CLTC: variants seen among roughly 807,000 people sequenced by gnomAD.
The protein encoded by CLTC is clathrin heavy chain, also known as clathrin heavy chain 1.
Under a neutral mutation model 195.8 loss-of-function variants are expected in CLTC, and 16 were observed. The observed-to-expected ratio is 0.08, with a 90% CI of 0.06 to 0.12. CLTC has a LOEUF of 0.12. Ranked by LOEUF, CLTC falls within the 10% of genes least tolerant of loss-of-function variation. CLTC has a pLI of 1.00. For synonymous variants in CLTC, 667 were observed against 689.4 expected (o/e 0.97, Z 0.51); for missense variants, 796 against 2,027.0 (o/e 0.39, Z 11.66).
Position 59,682,220 on chromosome 17 carries a change from A to G in CLTC, c.3443-51A>G, listed in dbSNP as rs370602724. On this transcript the variant is annotated intron_variant, in intron 21 of 31. Coordinates refer to ENST00000269122, the MANE Select transcript of CLTC (RefSeq NM_004859.4). This position sits in a 1 kb window ranked among gnomAD's most constrained non-coding sequence, Gnocchi z 6.8. ...CAATTTTCATTTACTTGGGTGAAAG[A>G]TAAACTAGGATGTTAGTGTTTGGAT... 1.5e-4 allele frequency: 228 copies of G among 1,526,734 alleles called. No individual in the cohort carries two copies. The highest frequency in any genetic ancestry group is 1.2e-4 in the Admixed American group (6 of 50,958). The allele number at this position is 1,526,734 out of a possible 1,614,324, so 94.6% of individuals were successfully genotyped here.
Position 59,695,742 on chromosome 17 carries a change from A to T in CLTC, c.*1890A>T, listed in dbSNP as rs2033405325. 5.2e-6 allele frequency: 1 copy of T among 193,566 alleles called. No individual in the cohort carries two copies. Among genetic ancestry groups the T allele is most frequent in the East Asian group, 8.1e-5 (1 of 12,278 alleles). The allele number at this position is 193,566 out of a possible 1,614,324, so 12.0% of individuals were successfully genotyped here. ...TTAATGTGAGTGCAGGTCAGTGAAG[A>T]ATACAATGGTGCCCCTGCTTTGATT... is the stretch of plus-strand genomic sequence containing the variant. On this transcript the variant is annotated 3_prime_UTR_variant, in exon 32 of 32. Transcript: ENST00000269122.
chr17:59,685,455 AT>A lies in CLTC; in HGVS notation c.4606-131del. ...CTCTTCTTTGAAAATTTTAATTTAA[AT>A]GATACAACTAGGAGGCTTTTTTCCC... On this transcript the variant is annotated intron_variant, in intron 29 of 31. Transcript: ENST00000269122. This position sits in a 1 kb window ranked among gnomAD's most constrained non-coding sequence, Gnocchi z 5.0. The A allele has an allele frequency of 1.1e-6, 1 of 894,464 alleles. No homozygotes were observed. Among genetic ancestry groups the A allele is most frequent in the Non-Finnish European group, 1.7e-6 (1 of 605,196 alleles). The allele number at this position is 894,464 out of a possible 1,614,324, so 55.4% of individuals were successfully genotyped here.
chr17:59,641,376 G>T (rs1295913666), intron 1 of CLTC, among the ~76,000 whole-genome samples: 1 of 151,550 alleles, frequency 6.6e-6, no homozygotes, highest in Non-Finnish European at 1.5e-5. Context: ...GCTGAGGCAG[G>T]TGGACCATGA....
intron 1 of CLTC, among the ~76,000 whole-genome samples, chr17:59,621,668 T>C (rs1332598869): frequency 6.6e-6 from 1 of 152,256 alleles, no homozygotes; most frequent in African/African-American, 2.4e-5. Flanking sequence ...TCTATAATTT[T>C]CAAATAACTC....
At chr17:59,637,748 C>T (rs1402407297) in intron 1 of CLTC, among the ~76,000 whole-genome samples, 1 of 149,266 alleles carries the variant, frequency 6.7e-6, no homozygotes, top group African/African-American at 2.5e-5. Flanking sequence ...TGGGTGGTAC[C>T]ATCTATTTGG....
chr17:59,644,327 A>G lies in CLTC; in HGVS notation c.94A>G (p.Met32Val), dbSNP rs745640220. 1 of 1,614,114 alleles carries G rather than the reference A, an allele frequency of 6.2e-7. No individual in the cohort carries two copies. Among genetic ancestry groups the G allele is most frequent in the Non-Finnish European group, 8.5e-7 (1 of 1,180,016 alleles). The change falls in exon 2 of 32, where the codon ATG becomes GTG. Residue 32 changes from methionine (M) to valine (V), a missense_variant. By Grantham distance (21) the Met-to-Val change is conservative. Around this residue, in one of 9 missense-constraint regions of CLTC, gnomAD observed 293 missense variants for 795.6 expected, o/e 0.37. Coordinates refer to ENST00000269122, the MANE Select transcript of CLTC (RefSeq NM_004859.4). The stretch of plus-strand genomic sequence containing the variant: ...AAACATTGGCTTCAGTACCCTGACT[A>G]TGGAGTCTGACAAATTCATCTGCAT... Reference protein sequence around the residue: ...PANIGFSTLTMESDKFICIRE... With the variant: ...PANIGFSTLTVESDKFICIRE...
intron 1 of CLTC, among the ~76,000 whole-genome samples, chr17:59,641,381 CCATGA>C (rs745702749): frequency 2.0e-5 from 3 of 150,628 alleles, no homozygotes; most frequent in Non-Finnish European, 3.0e-5. Flanking sequence ...GGCAGGTGGA[CCATGA>C]GGTCAGGAGA....
intron 1 of CLTC, among the ~76,000 whole-genome samples, chr17:59,626,394 A>T (rs752653981): frequency 6.6e-6 from 1 of 152,182 alleles, no homozygotes; most frequent in Non-Finnish European, 1.5e-5. Flanking sequence ...CACGAGTCTC[A>T]TTGTGTGCCA....
intron 5 of CLTC, 89 bp downstream of exon 5, chr17:59,651,405 G>A (rs986077503): frequency 1.1e-6 from 1 of 872,436 alleles, no homozygotes; most frequent in African/African-American, 1.7e-5. Flanking sequence ...TATAATTTAA[G>A]TGATGCTTAA....
Position 59,674,680 on chromosome 17 carries a change from TCTA to T in CLTC, c.2419-18_2419-16del, listed in dbSNP as rs1469557779. 6.3e-7 allele frequency: 1 copy of T among 1,597,618 alleles called. No homozygotes were observed. The highest frequency in any genetic ancestry group is 8.5e-7 in the Non-Finnish European group (1 of 1,171,474). ...GCTTTTAATAACATAATAACATTCT[TCTA>T]CTTCTTTTTAACCACAGGTGAATCC... On this transcript the variant is annotated intron_variant, in intron 15 of 31. Transcript: ENST00000269122.
chr17:59,682,462 T>C lies in CLTC; in HGVS notation c.3600+34T>C, dbSNP rs775290595. 7.4e-6 allele frequency: 12 copies of C among 1,612,064 alleles called. No individual in the cohort carries two copies. Among genetic ancestry groups the C allele is most frequent in the East Asian group, 2.2e-5 (1 of 44,834 alleles). On this transcript the variant is annotated intron_variant, in intron 22 of 31. Coordinates refer to ENST00000269122, the MANE Select transcript of CLTC (RefSeq NM_004859.4). The surrounding 1 kb of genome is among the most constrained non-coding windows in gnomAD (Gnocchi z 6.8). ...CCTTTTCAGATTTAAGAAAAACTAGTTGGGCTACTTGATTAGCTTGGTAGG... is the reference window on the plus strand; with the variant it reads ...CCTTTTCAGATTTAAGAAAAACTAGCTGGGCTACTTGATTAGCTTGGTAGG...
intron 1 of CLTC, among the ~76,000 whole-genome samples, chr17:59,643,478 C>T (rs2032102769): frequency 6.6e-6 from 1 of 152,102 alleles, no homozygotes; most frequent in South Asian, 2.1e-4. Context: ...CCATTATTTT[C>T]CTTGTTAAAA....
intron 16 of CLTC, among the ~76,000 whole-genome samples, chr17:59,676,452 A>G (rs1211771620): frequency 1.2e-4 from 18 of 152,290 alleles, no homozygotes; most frequent in Admixed American, 7.8e-4. Flanking sequence ...CCTATCCACA[A>G]ACAAAATTTT....
intron 1 of CLTC, among the ~76,000 whole-genome samples, chr17:59,639,800 T>TC (rs1244478043): frequency 2.1e-5 from 1 of 46,720 alleles, no homozygotes; most frequent in Non-Finnish European, 4.1e-5. Context: ...AGAACCTGTC[T>TC]CTTAAAAAAA....
intron 14 of CLTC, among the ~76,000 whole-genome samples, chr17:59,672,806 G>A (rs961521081): frequency 7.9e-5 from 12 of 152,150 alleles, no homozygotes; most frequent in African/African-American, 2.7e-4. Context: ...ACTGGGGAAA[G>A]TTCTACCCTA....
At chr17:59,660,157 C>A (rs2032576092) in intron 6 of CLTC, among the ~76,000 whole-genome samples, 2 of 152,170 alleles carry the variant, frequency 1.3e-5, no homozygotes, top group Admixed American at 6.6e-5. Flanking sequence ...TATAGAATAG[C>A]CATATTTTAG....
At chr17:59,691,437 AC>A (rs2033295369) in intron 31 of CLTC, among the ~76,000 whole-genome samples, 5 of 152,000 alleles carry the variant, frequency 3.3e-5, no homozygotes, top group Non-Finnish European at 7.4e-5. Flanking sequence ...ATCCTGGCTA[AC>A]ACAGTGAATC....
At chr17:59,632,245 G>T (rs1455776834) in intron 1 of CLTC, among the ~76,000 whole-genome samples, 1 of 151,824 alleles carries the variant, frequency 6.6e-6, no homozygotes, top group Non-Finnish European at 1.5e-5. Flanking sequence ...GCGGGTGCCT[G>T]TAGTCCCAGC....
intron 14 of CLTC, among the ~76,000 whole-genome samples, chr17:59,673,317 A>G (rs2032895424): frequency 6.6e-6 from 1 of 152,182 alleles, no homozygotes. Context: ...AATACGGTAG[A>G]AGTGTTATTA....
Sources: allele counts gnomAD v4.1 joint callset (sites outside exome capture counted in the v4.1 genomes callset), GRCh38; gene constraint gnomAD v4.1.1; regional missense constraint gnomAD v4.1.1; non-coding constraint Gnocchi (gnomAD v3.1); transcripts MANE v1.5; gene names NCBI Gene and HGNC (gene_info 2026-07-23, HGNC 2026-07-21).